THSD7B: variants seen among roughly 807,000 people sequenced by gnomAD.
THSD7B encodes the protein thrombospondin type-1 domain-containing protein 7B.
THSD7B carries 138 observed loss-of-function variants against 213.6 expected under a neutral mutation model. The ratio of observed to expected loss-of-function variants is 0.65; its 90% CI spans 0.56 to 0.74. The LOEUF is 0.74. Among genes scored for constraint, THSD7B ranks in the 30% least tolerant of loss-of-function variants. The pLI is 0.00. For missense variants in THSD7B, 1,931 were observed against 1,991.5 expected (o/e 0.97, Z 0.58); for synonymous variants, 742 against 687.0 (o/e 1.08, Z -1.25).
At chr2:137,004,575 T>C (rs1686067973) in intron 2 of THSD7B, among the ~76,000 whole-genome samples, 1 of 152,338 alleles carries the variant, frequency 6.6e-6, no homozygotes, top group South Asian at 2.1e-4. Flanking sequence ...AATTAGTCTT[T>C]CAAGAAAATT....
At chr2:137,506,667 T>A (rs980781614) in intron 15 of THSD7B, among the ~76,000 whole-genome samples, 1 of 151,994 alleles carries the variant, frequency 6.6e-6, no homozygotes, top group Non-Finnish European at 1.5e-5. Flanking sequence ...CTTCAGAGAG[T>A]GGACATTCTT....
rs994786112 is a variant in THSD7B at position 137,374,220 on chromosome 2, C to A, written c.2501-31393C>A. Among the ~76,000 whole-genome samples the A allele has an allele frequency of 2.6e-5, 4 of 152,204 alleles. No individual in the cohort carries two copies. In the East Asian group the frequency reaches 7.7e-4, roughly 29 times the overall value. On this transcript the variant is annotated intron_variant, in intron 12 of 27. Transcript: ENST00000409968. ...TTTGTAAACACACAATGGGATATTT[C>A]TGATTTTTTAAAGCACATCCTTTCT...
At chr2:137,111,011 A>T (rs1458754098) in intron 4 of THSD7B, among the ~76,000 whole-genome samples, 2 of 152,056 alleles carry the variant, frequency 1.3e-5, no homozygotes, top group East Asian at 3.9e-4. Context: ...GTGTAAGTGC[A>T]CTCTATGATG....
chr2:137,369,484 A>C (rs187387343), intron 12 of THSD7B, among the ~76,000 whole-genome samples: 23 of 152,154 alleles, frequency 1.5e-4, no homozygotes, highest in African/African-American at 5.1e-4. Context: ...AATTAATGCT[A>C]CTCTCCTAGA....
At chr2:137,171,392 A>G (rs1412228734) in intron 7 of THSD7B, among the ~76,000 whole-genome samples, 3 of 152,220 alleles carry the variant, frequency 2.0e-5, no homozygotes, top group African/African-American at 7.2e-5. Flanking sequence ...TGTTTATATG[A>G]CATTAGAGTT....
At chr2:137,032,694 C>T (rs1686697585) in intron 2 of THSD7B, among the ~76,000 whole-genome samples, 1 of 152,158 alleles carries the variant, frequency 6.6e-6, no homozygotes, top group Non-Finnish European at 1.5e-5. Flanking sequence ...TATCACATAA[C>T]TGTATTTCTG....
At chr2:137,105,954 AAAATGGCCATACTGCCC>A (rs1400717328) in intron 4 of THSD7B, among the ~76,000 whole-genome samples, 1 of 152,234 alleles carries the variant, frequency 6.6e-6, no homozygotes, top group Non-Finnish European at 1.5e-5. Context: ...CAATATCATG[AAAATGGCCATACTGCCC>A]AAAGTAATTT....
intron 2 of THSD7B, among the ~76,000 whole-genome samples, chr2:136,931,751 G>A (rs1684632882): frequency 1.3e-5 from 2 of 152,086 alleles, no homozygotes; most frequent in Admixed American, 6.5e-5. Context: ...CATTAACAAT[G>A]AAAAAAGTAG....
chr2:137,522,866 TG>T (rs1169763783), intron 15 of THSD7B, among the ~76,000 whole-genome samples: 1 of 152,230 alleles, frequency 6.6e-6, no homozygotes, highest in Admixed American at 6.5e-5. Flanking sequence ...TACCACCATT[TG>T]TGCTGGGTGA....
intron 15 of THSD7B, chr2:137,452,130 TA>T (rs375318085): frequency 6.6e-4 from 366 of 557,386 alleles, no homozygotes; most frequent in Middle Eastern, 8.6e-4. Flanking sequence ...TCACTGAAAT[TA>T]AAAAAAAATT....
chr2:136,924,630 T>A (rs1684491635), intron 2 of THSD7B, among the ~76,000 whole-genome samples: 1 of 150,922 alleles, frequency 6.6e-6, no homozygotes, highest in Non-Finnish European at 1.5e-5. Flanking sequence ...CTTGGCCTTA[T>A]TTTTTTTCAA....
At chr2:137,448,298 G>A (rs1350626193) in intron 14 of THSD7B, among the ~76,000 whole-genome samples, 1 of 152,176 alleles carries the variant, frequency 6.6e-6, no homozygotes, top group Non-Finnish European at 1.5e-5. Flanking sequence ...CAGAACACTG[G>A]GACGAGGCCA....
intron 1 of THSD7B, among the ~76,000 whole-genome samples, chr2:136,872,181 C>G (rs1267735418): frequency 1.3e-5 from 2 of 152,088 alleles, no homozygotes; most frequent in African/African-American, 2.4e-5. Flanking sequence ...GCTCACAAAA[C>G]AGGAAGTCCA....
chr2:137,196,376 G>GTTTTTTTTTTTTT (rs60814872), intron 7 of THSD7B, among the ~76,000 whole-genome samples: 2 of 99,970 alleles, frequency 2.0e-5, no homozygotes, highest in African/African-American at 7.8e-5. Context: ...AAAACCTGCT[G>GTTTTTTTTTTTTT]TTTTTTTTTT....
chr2:137,022,144 G>A (rs1282193433), intron 2 of THSD7B, among the ~76,000 whole-genome samples: 1 of 152,108 alleles, frequency 6.6e-6, no homozygotes, highest in African/African-American at 2.4e-5. Context: ...TAAAACTATA[G>A]TGAACATATG....
At chr2:137,019,211 T>G (rs1466677176) in intron 2 of THSD7B, among the ~76,000 whole-genome samples, 1 of 152,208 alleles carries the variant, frequency 6.6e-6, no homozygotes, top group Non-Finnish European at 1.5e-5. Context: ...TCCTTCATGC[T>G]TCTTAACACC....
chr2:137,344,698 T>A (rs1448454820), intron 12 of THSD7B, among the ~76,000 whole-genome samples: 1 of 151,496 alleles, frequency 6.6e-6, no homozygotes, highest in Non-Finnish European at 1.5e-5. Context: ...AGAAATGAAC[T>A]CCTAAAACAA....
intron 15 of THSD7B, among the ~76,000 whole-genome samples, chr2:137,522,986 C>A (rs1573683424): frequency 6.6e-6 from 1 of 152,194 alleles, no homozygotes; most frequent in East Asian, 1.9e-4. Flanking sequence ...GGTTACTAAA[C>A]AGACATGTAT....
At chr2:137,300,578 A>T (rs919173550) in intron 12 of THSD7B, among the ~76,000 whole-genome samples, 1 of 152,160 alleles carries the variant, frequency 6.6e-6, no homozygotes, top group Non-Finnish European at 1.5e-5. Flanking sequence ...TACAAAATCT[A>T]TGTGGAATAG....
Sources: allele counts gnomAD v4.1 joint callset (sites outside exome capture counted in the v4.1 genomes callset), GRCh38; gene constraint gnomAD v4.1.1; transcripts MANE v1.5; gene names NCBI Gene and HGNC (gene_info 2026-07-23, HGNC 2026-07-21).